The following GABRB3 variants were observed in gnomAD, a reference collection of about 807,000 sequenced individuals.
The protein encoded by GABRB3 is gamma-aminobutyric acid type A receptor subunit beta3.
In GABRB3, 14 loss-of-function variants were observed where a neutral mutation model predicts 52.1. That is an observed-to-expected ratio of 0.27 (90% CI 0.18 to 0.42). GABRB3 has a LOEUF of 0.42. Ranked by LOEUF, GABRB3 falls within the 10% of genes least tolerant of loss-of-function variation. The pLI is 1.00. For missense variants in GABRB3, 307 were observed against 609.1 expected (o/e 0.50, Z 5.22); for synonymous variants, 260 against 232.3 (o/e 1.12, Z -1.08).
chr15:26,563,850 A>C (rs917230473), intron 7 of GABRB3, among the ~76,000 whole-genome samples: 24 of 144,540 alleles, frequency 1.7e-4, no homozygotes, highest in African/African-American at 7.0e-4. Context: ...GCCTCAACTT[A>C]TTTGTCATTT....
At chr15:26,581,489 A>C (rs929412099) in intron 5 of GABRB3, among the ~76,000 whole-genome samples, 7 of 152,188 alleles carry the variant, frequency 4.6e-5, no homozygotes, top group Non-Finnish European at 7.3e-5. Context: ...TAAAACTTGC[A>C]AATGCTTCCT....
At chr15:26,752,729 G>A (rs570761845) in intron 3 of GABRB3, among the ~76,000 whole-genome samples, 2 of 152,156 alleles carry the variant, frequency 1.3e-5, no homozygotes, top group Non-Finnish European at 2.9e-5. Context: ...ATTTTTTGTG[G>A]TGAGAATATT....
intron 7 of GABRB3, among the ~76,000 whole-genome samples, chr15:26,561,909 A>G (rs1890003309): frequency 6.6e-6 from 1 of 152,260 alleles, no homozygotes; most frequent in African/African-American, 2.4e-5. Context: ...TTCATCTTAT[A>G]GAATCCCACC....
At chr15:26,598,898 T>A (rs187418077) in intron 4 of GABRB3, among the ~76,000 whole-genome samples, 2 of 152,306 alleles carry the variant, frequency 1.3e-5, no homozygotes, top group Non-Finnish European at 2.9e-5. Context: ...GCTGATTTGG[T>A]TGCCTTCAGA....
chr15:26,658,968 A>G (rs1169708057), intron 3 of GABRB3, among the ~76,000 whole-genome samples: 1 of 152,256 alleles, frequency 6.6e-6, no homozygotes, highest in African/African-American at 2.4e-5. Flanking sequence ...TGTTCCTACA[A>G]GCAATTCCAT....
chr15:26,719,106 A>C (rs1397995602), intron 3 of GABRB3, among the ~76,000 whole-genome samples: 1 of 152,270 alleles, frequency 6.6e-6, no homozygotes, highest in East Asian at 1.9e-4. Flanking sequence ...AGGCACATGC[A>C]CATCGGTCTG....
intron 3 of GABRB3, among the ~76,000 whole-genome samples, chr15:26,686,388 C>T (rs1888406761): frequency 6.6e-6 from 1 of 152,150 alleles, no homozygotes; most frequent in African/African-American, 2.4e-5. Flanking sequence ...GCATTCTCAC[C>T]TCTTTGCTGT....
Position 26,763,488 on chromosome 15 carries a change from T to A in GABRB3, c.240+8914A>T, listed in dbSNP as rs575758919. ...ATTCTAGTATACTTTTGGCCTGATA[T>A]ATGGATTTATCTCTCACATAGAGAA... On this transcript the variant is annotated intron_variant, in intron 3 of 8. Coordinates refer to ENST00000311550, the MANE Select transcript of GABRB3 (RefSeq NM_000814.6). 3.9e-5 allele frequency among the ~76,000 whole-genome samples: 6 copies of A among 152,264 alleles called. No homozygotes were observed. In the South Asian group the frequency reaches 1.2e-3, roughly 32 times the overall value.
At position 26,763,600 on chromosome 15, in the gene GABRB3, G is replaced by GGATACA. The variant is rs1890880258; in HGVS notation, c.240+8801_240+8802insTGTATC. Among the ~76,000 whole-genome samples the GGATACA allele has an allele frequency of 1.0e-4, 5 of 48,540 alleles. No homozygotes were observed. In the South Asian group the frequency reaches 4.1e-3, roughly 40 times the overall value. 31.8% of individuals were successfully genotyped at this position (48,540 alleles called of 152,430 possible). A position where few individuals can be genotyped will look rare whatever the true frequency, so the allele number is the denominator to read the frequency against. ...GTTCTTTCACAACCATTTTTGGTCTGCATAGATACACACACACACACACAC... is the reference window on the plus strand; with the variant it reads ...GTTCTTTCACAACCATTTTTGGTCTGGATACACATAGATACACACACACACACACAC... On this transcript the variant is annotated intron_variant, in intron 3 of 8. Coordinates refer to ENST00000311550, the MANE Select transcript of GABRB3 (RefSeq NM_000814.6).
At chr15:26,748,706 C>CT (rs1275753137) in intron 3 of GABRB3, among the ~76,000 whole-genome samples, 2 of 152,008 alleles carry the variant, frequency 1.3e-5, no homozygotes, top group Non-Finnish European at 2.9e-5. Flanking sequence ...TTTATTTCTT[C>CT]TTTTATCTTT....
At chr15:26,588,267 T>A (rs558853799) in intron 4 of GABRB3, among the ~76,000 whole-genome samples, 1 of 152,316 alleles carries the variant, frequency 6.6e-6, no homozygotes, top group Admixed American at 6.5e-5. Context: ...TGCTAATTCA[T>A]CATCTCAGTG....
chr15:26,559,508 A>T (rs1008280513), intron 8 of GABRB3, among the ~76,000 whole-genome samples: 2 of 57,608 alleles, frequency 3.5e-5, no homozygotes, highest in African/African-American at 8.0e-5. Flanking sequence ...AAGAAGAATT[A>T]AAAAAAAAAT....
At chr15:26,631,113 C>T (rs1415409615) in intron 3 of GABRB3, among the ~76,000 whole-genome samples, 1 of 152,080 alleles carries the variant, frequency 6.6e-6, no homozygotes, top group Admixed American at 6.5e-5. Flanking sequence ...CCCTGAGTGC[C>T]GGGAGCAGGC....
chr15:26,669,763 C>T (rs1012101355), intron 3 of GABRB3, among the ~76,000 whole-genome samples: 3 of 152,202 alleles, frequency 2.0e-5, no homozygotes, highest in Admixed American at 1.3e-4. Context: ...TCCTTTGCTA[C>T]CTTTTCCTTC....
chr15:26,730,415 C>T (rs1435948257), intron 3 of GABRB3, among the ~76,000 whole-genome samples: 2 of 42,926 alleles, frequency 4.7e-5, no homozygotes, highest in Non-Finnish European at 4.2e-5. Flanking sequence ...GAGACTCCGT[C>T]TCAAAAAAAA....
intron 4 of GABRB3, among the ~76,000 whole-genome samples, chr15:26,618,662 C>T (rs562509136): frequency 2.6e-3 from 393 of 152,292 alleles, no homozygotes; most frequent in Non-Finnish European, 4.1e-3. Flanking sequence ...CCAAAATTGA[C>T]AAATGGGATC....
intron 6 of GABRB3, among the ~76,000 whole-genome samples, chr15:26,568,810 C>T (rs1209256774): frequency 2.6e-5 from 4 of 151,986 alleles, no homozygotes; most frequent in South Asian, 2.1e-4. Flanking sequence ...CCACTGAGCC[C>T]GGCCTATTTT....
Position 26,773,064 on chromosome 15 carries a change from GCT to G in GABRB3, c.-104_-103del. On this transcript the variant is annotated 5_prime_UTR_variant, in exon 1 of 9. Coordinates refer to ENST00000311550, the MANE Select transcript of GABRB3 (RefSeq NM_000814.6). ...CTGCCGCCGCCGCCGCCGCCGCCGC[GCT>G]GGCCCGGAGCGGAGGAGGGCGGAGG... 3.8e-6 allele frequency: 4 copies of G among 1,054,476 alleles called. No individual in the cohort carries two copies. Among genetic ancestry groups the G allele is most frequent in the Non-Finnish European group, 3.4e-6 (3 of 873,640 alleles). 65.3% of individuals were successfully genotyped at this position (1,054,476 alleles called of 1,614,324 possible).
chr15:26,615,400 G>A (rs1054934481), intron 4 of GABRB3: 59 of 985,706 alleles, frequency 6.0e-5, no homozygotes, highest in Non-Finnish European at 7.0e-5. Flanking sequence ...TCAGTTCACC[G>A]TCATATTCAG....
Sources: allele counts gnomAD v4.1 joint callset (sites outside exome capture counted in the v4.1 genomes callset), GRCh38; gene constraint gnomAD v4.1.1; transcripts MANE v1.5; gene names NCBI Gene and HGNC (gene_info 2026-07-23, HGNC 2026-07-21).